The following ADGRB3 variants were observed in gnomAD, a reference collection of about 807,000 sequenced individuals.
ADGRB3 encodes the protein adhesion G protein-coupled receptor B3, also known as brain-specific angiogenesis inhibitor 3.
ADGRB3 carries 37 observed loss-of-function variants against 193.4 expected under a neutral mutation model. The ratio of observed to expected loss-of-function variants is 0.19; its 90% CI spans 0.15 to 0.25. The LOEUF (loss-of-function observed/expected upper bound fraction) is 0.25. Among genes scored for constraint, ADGRB3 ranks in the 10% least tolerant of loss-of-function variants. The probability of loss-of-function intolerance (pLI) is 1.00; values close to 1 mark genes in which losing one functional copy is unlikely to be tolerated. For missense variants in ADGRB3, 1,637 were observed against 1,852.9 expected (o/e 0.88, Z 2.14); for synonymous variants, 690 against 644.2 (o/e 1.07, Z -1.08).
intron 15 of ADGRB3, 35 bp downstream of exon 15, chr6:69,049,381 T>A: frequency 6.9e-7 from 1 of 1,454,354 alleles, no homozygotes; most frequent in Non-Finnish European, 9.5e-7. Flanking sequence ...TGTAATTTTG[T>A]AAATTATTCC....
At chr6:69,043,332 G>GAAAGAAAGAA (rs376899800) in intron 13 of ADGRB3, among the ~76,000 whole-genome samples, 6 of 133,744 alleles carry the variant, frequency 4.5e-5, no homozygotes, top group Admixed American at 1.5e-4. Context: ...AAGAAAGAAA[G>GAAAGAAAGAA]AGAAAGAAAA....
At chr6:68,656,861 A>C (rs1768501339) in intron 3 of ADGRB3, among the ~76,000 whole-genome samples, 1 of 151,574 alleles carries the variant, frequency 6.6e-6, no homozygotes, top group African/African-American at 2.4e-5. Context: ...TATTTTCTGC[A>C]TCTGCAAAAT....
chr6:69,240,690 T>C (rs1421945490), intron 20 of ADGRB3, among the ~76,000 whole-genome samples: 1 of 151,792 alleles, frequency 6.6e-6, no homozygotes, highest in Non-Finnish European at 1.5e-5. Context: ...AGGAAGGAAG[T>C]AGAGATAAAA....
At chr6:69,363,052 T>C (rs752362870) in intron 29 of ADGRB3, among the ~76,000 whole-genome samples, 2 of 152,054 alleles carry the variant, frequency 1.3e-5, no homozygotes, top group Admixed American at 6.6e-5. Context: ...AAAAATGTTT[T>C]ACATCTAAAA....
rs368197380 is a variant in ADGRB3 at position 69,324,973 on chromosome 6, A to T, written c.2916A>T (p.Gly972=). 17 of 1,613,768 alleles carry T rather than the reference A, an allele frequency of 1.1e-5. No homozygotes were observed. Among genetic ancestry groups the T allele is most frequent in the Non-Finnish European group, 2.5e-6 (3 of 1,179,864 alleles). The change falls in exon 21 of 32, where the codon GGA becomes GGT. Residue 972 remains glycine, a synonymous_variant. Coordinates refer to ENST00000370598, the MANE Select transcript of ADGRB3 (RefSeq NM_001704.3). ...EAWQSYMAVT[G]KIRTRLIRKR... The stretch of plus-strand genomic sequence containing the variant: ...GGCAATCATATATGGCTGTAACTGG[A>T]AAAATTAGGACACGGCTTATAAGAA...
At chr6:69,142,091 T>C (rs1029405801) in intron 17 of ADGRB3, among the ~76,000 whole-genome samples, 4 of 152,362 alleles carry the variant, frequency 2.6e-5, no homozygotes, top group Middle Eastern at 3.4e-3. Context: ...TGTCTAACAT[T>C]ATACTTTGAT....
intron 17 of ADGRB3, among the ~76,000 whole-genome samples, chr6:69,210,396 A>T (rs529123873): frequency 2.5e-3 from 383 of 151,866 alleles, no homozygotes; most frequent in Non-Finnish European, 3.2e-3. Context: ...CTGTCATGGC[A>T]ACTGATTAGA....
chr6:69,013,076 C>A (rs949381772), intron 11 of ADGRB3, among the ~76,000 whole-genome samples: 1 of 152,052 alleles, frequency 6.6e-6, no homozygotes, highest in Non-Finnish European at 1.5e-5. Flanking sequence ...TCTCCTGTGA[C>A]CCCCAAGTCA....
intron 17 of ADGRB3, among the ~76,000 whole-genome samples, chr6:69,183,550 T>C (rs931541924): frequency 3.3e-5 from 5 of 152,102 alleles, no homozygotes; most frequent in Admixed American, 3.3e-4. Context: ...CAGAGGTCCT[T>C]ACCAAAGTAC....
At chr6:69,121,033 A>G (rs967413079) in intron 17 of ADGRB3, among the ~76,000 whole-genome samples, 1 of 120,958 alleles carries the variant, frequency 8.3e-6, no homozygotes, top group Non-Finnish European at 1.7e-5. Context: ...TTTATTGATC[A>G]TTCTTGGGTG....
chr6:68,731,992 T>C lies in ADGRB3; in HGVS notation c.757+92560T>C, dbSNP rs929565467. Reference sequence around the variant, plus strand: ...TTTAAAAGGGTAAAGAAATGTGCAGTAGTACCTGCATGAGTATATTTAACT... The same window carrying C: ...TTTAAAAGGGTAAAGAAATGTGCAGCAGTACCTGCATGAGTATATTTAACT... On this transcript the variant is annotated intron_variant, in intron 3 of 31. Transcript: ENST00000370598. 4.6e-5 allele frequency among the ~76,000 whole-genome samples: 7 copies of C among 151,734 alleles called. No individual in the cohort carries two copies. In the South Asian group the frequency reaches 1.2e-3, roughly 27 times the overall value.
chr6:68,673,723 T>C (rs1223386144), intron 3 of ADGRB3, among the ~76,000 whole-genome samples: 1 of 152,164 alleles, frequency 6.6e-6, no homozygotes, highest in East Asian at 1.9e-4. Context: ...CAGGGCTTTT[T>C]TCCAGACCCT....
intron 8 of ADGRB3, among the ~76,000 whole-genome samples, chr6:68,959,876 C>G (rs1768184547): frequency 6.6e-6 from 1 of 152,124 alleles, no homozygotes; most frequent in African/African-American, 2.4e-5. Flanking sequence ...TTTCATTTAT[C>G]TCAATCTCAT....
intron 17 of ADGRB3, among the ~76,000 whole-genome samples, chr6:69,116,612 C>T (rs1036928726): frequency 2.0e-5 from 3 of 152,182 alleles, no homozygotes; most frequent in African/African-American, 7.2e-5. Flanking sequence ...GCAGTAAAAA[C>T]TGAAGGCAAT....
chr6:68,923,365 A>G (rs928228909), intron 3 of ADGRB3, among the ~76,000 whole-genome samples: 2 of 152,038 alleles, frequency 1.3e-5, no homozygotes, highest in African/African-American at 4.8e-5. Context: ...AACTCAATTG[A>G]TTGTAATTCA....
chr6:68,696,445 G>A (rs1204728645), intron 3 of ADGRB3, among the ~76,000 whole-genome samples: 1 of 151,104 alleles, frequency 6.6e-6, no homozygotes, highest in Non-Finnish European at 1.5e-5. Flanking sequence ...AAAAACCTAT[G>A]GGATTTTGCA....
chr6:69,314,556 C>T (rs1381018797), intron 20 of ADGRB3, among the ~76,000 whole-genome samples: 1 of 151,598 alleles, frequency 6.6e-6, no homozygotes, highest in African/African-American at 2.4e-5. Context: ...TCATCATAAC[C>T]TTGTGCCATA....
chr6:68,730,961 G>A lies in ADGRB3; in HGVS notation c.757+91529G>A, dbSNP rs188362658. ...TTTCAGGGTTACATTCAGAAATGGA[G>A]GAAAAGAACTTAATTATTCAGAAAG... On this transcript the variant is annotated intron_variant, in intron 3 of 31. Coordinates refer to ENST00000370598, the MANE Select transcript of ADGRB3 (RefSeq NM_001704.3). Among the ~76,000 whole-genome samples, 438 of 151,496 alleles carry A rather than the reference G, an allele frequency of 2.9e-3. 3 individuals carry two copies. Among genetic ancestry groups the A allele is most frequent in the African/African-American group, 0.01 (420 of 41,398 alleles).
intron 17 of ADGRB3, among the ~76,000 whole-genome samples, chr6:69,112,165 T>A (rs1429664914): frequency 6.6e-6 from 1 of 152,172 alleles, no homozygotes; most frequent in Non-Finnish European, 1.5e-5. Context: ...GCGCTGGTCC[T>A]TGTGGTTACG....
Sources: gnomAD v4.1 joint callset for allele counts (sites outside exome capture counted in the v4.1 genomes callset) on GRCh38, gnomAD v4.1.1 for gene constraint, MANE v1.5 for transcripts, NCBI Gene and HGNC (gene_info 2026-07-23, HGNC 2026-07-21) for gene names.